SH3BP4: variants seen among roughly 807,000 people sequenced by gnomAD.
SH3BP4 encodes the protein SH3 domain binding protein 4.
SH3BP4 carries 33 observed loss-of-function variants against 65.5 expected under a neutral mutation model. The ratio of observed to expected loss-of-function variants is 0.50; its 90% CI spans 0.38 to 0.67. SH3BP4 has a LOEUF of 0.67. Among genes scored for constraint, SH3BP4 ranks in the 30% least tolerant of loss-of-function variants. The pLI is 0.00. For synonymous variants in SH3BP4, 552 were observed against 545.5 expected, an observed-to-expected ratio of 1.01 and a Z score of -0.17; for missense variants, 1,134 against 1,261.4, an observed-to-expected ratio of 0.90 and a Z score of 1.53.
chr2:235,015,313 G>A (rs9287583), intron 2 of SH3BP4, among the ~76,000 whole-genome samples: 43,975 of 152,134 alleles, frequency 0.29, 9,714 homozygotes, highest in African/African-American at 0.61. Flanking sequence ...GAGGAAAAAT[G>A]TAGGGCCTGG....
At chr2:234,961,175 C>A (rs185774646) in intron 1 of SH3BP4, among the ~76,000 whole-genome samples, 15 of 152,338 alleles carry the variant, frequency 9.8e-5, no homozygotes, top group African/African-American at 3.4e-4. Flanking sequence ...CATCGTACTT[C>A]GCTCCTGGAG....
At chr2:234,959,951 G>A (rs760863811) in intron 1 of SH3BP4, among the ~76,000 whole-genome samples, 4 of 152,086 alleles carry the variant, frequency 2.6e-5, no homozygotes, top group South Asian at 2.1e-4. Flanking sequence ...CTTGCCCGGC[G>A]AGGATTTGAT....
rs1421436229 is a variant in SH3BP4 at position 235,050,791 on chromosome 2, G to A, written c.2479-1771G>A. On this transcript the variant is annotated intron_variant, in intron 4 of 5. Transcript: ENST00000392011. ...CACTAGCAAGACGACCCTGCTATCG[G>A]CACAAAATAGTTGGCCAAAGAGCGC... is the stretch of plus-strand genomic sequence containing the variant. 9.9e-5 allele frequency among the ~76,000 whole-genome samples: 15 copies of A among 152,204 alleles called. 1 individual carries two copies. The highest frequency in any genetic ancestry group is 3.6e-4 in the African/African-American group (15 of 41,532).
intron 1 of SH3BP4, among the ~76,000 whole-genome samples, chr2:234,963,396 G>A (rs1472380215): frequency 6.6e-6 from 1 of 152,218 alleles, no homozygotes; most frequent in Non-Finnish European, 1.5e-5. Flanking sequence ...TCAAAAGGGA[G>A]TGACGTTGGG....
Position 234,970,703 on chromosome 2 carries a change from C to T in SH3BP4, c.-207+18533C>T, listed in dbSNP as rs12328634. Among the ~76,000 whole-genome samples the T allele has an allele frequency of 4.9e-3, 753 of 152,376 alleles. 9 individuals are homozygous for T. Among genetic ancestry groups the T allele is most frequent in the African/African-American group, 0.017 (709 of 41,596 alleles). ...CCGCTAATTCCAGCTAATTGGGGTG[C>T]ACTCTTCAGCTGACTTCTGTTGCGT... On this transcript the variant is annotated intron_variant, in intron 1 of 5. Transcript: ENST00000392011.
intron 1 of SH3BP4, among the ~76,000 whole-genome samples, chr2:234,984,807 G>C (rs945383542): frequency 1.3e-5 from 2 of 151,944 alleles, no homozygotes; most frequent in South Asian, 4.2e-4. Flanking sequence ...CAAGGACTTG[G>C]GTGCTGATGT....
At position 234,997,858 on chromosome 2, in the gene SH3BP4, C is replaced by T. The variant is rs1482574279; in HGVS notation, c.-133+2482C>T. 6.6e-6 allele frequency among the ~76,000 whole-genome samples: 1 copy of T among 152,206 alleles called. No individual in the cohort carries two copies. Among genetic ancestry groups the T allele is most frequent in the Non-Finnish European group, 1.5e-5 (1 of 68,038 alleles). On this transcript the variant is annotated intron_variant, in intron 2 of 5. Coordinates refer to ENST00000392011, the MANE Select transcript of SH3BP4 (RefSeq NM_014521.3). This position sits in a 1 kb window ranked among gnomAD's most constrained non-coding sequence, Gnocchi z 4.2. ...AATCAGAAGACTGGGTGCGGTGGCTCATGCCTGTAATCCCAGCACTTTGGG... is the reference window on the plus strand; with the variant it reads ...AATCAGAAGACTGGGTGCGGTGGCTTATGCCTGTAATCCCAGCACTTTGGG...
At chr2:235,021,560 A>G (rs1189298211) in intron 2 of SH3BP4, among the ~76,000 whole-genome samples, 1 of 151,494 alleles carries the variant, frequency 6.6e-6, no homozygotes, top group Non-Finnish European at 1.5e-5. Flanking sequence ...CAGAGGTTGC[A>G]GTGAGCCAAG....
At chr2:235,038,257 A>ATTAT (rs1189896674) in intron 3 of SH3BP4, among the ~76,000 whole-genome samples, 1 of 43,988 alleles carries the variant, frequency 2.3e-5, no homozygotes, top group African/African-American at 8.9e-5. Context: ...TATTATATAT[A>ATTAT]ATATATATTA....
rs1695620188 is a variant in SH3BP4 at position 235,041,084 on chromosome 2, C to T, written c.315C>T (p.Pro105=). 2 of 1,614,000 alleles carry T rather than the reference C, an allele frequency of 1.2e-6. No homozygotes were observed. The highest frequency in any genetic ancestry group is 1.3e-5 in the African/African-American group (1 of 74,918). ...AHNTTEMGYI[P]SSYVQPLNYR... ...ACACCACCGAAATGGGCTACATCCCCTCCTCCTATGTGCAGCCCTTGAACT... is the reference window on the plus strand; with the variant it reads ...ACACCACCGAAATGGGCTACATCCCTTCCTCCTATGTGCAGCCCTTGAACT... The change falls in exon 4 of 6, where the codon CCC becomes CCT. Residue 105 remains proline (P), a synonymous_variant. Transcript: ENST00000392011. The surrounding 1 kb of genome is among the most constrained non-coding windows in gnomAD (Gnocchi z 6.0).
chr2:235,053,889 G>T lies in SH3BP4; in HGVS notation c.*73G>T, dbSNP rs1423346472. The T allele has an allele frequency of 5.7e-6, 7 of 1,238,308 alleles. No homozygotes were observed. Among genetic ancestry groups the T allele is most frequent in the Non-Finnish European group, 7.1e-6 (6 of 848,438 alleles). The allele number at this position is 1,238,308 out of a possible 1,614,324, so 76.7% of individuals were successfully genotyped here. A position where few individuals can be genotyped will look rare whatever the true frequency, so the allele number is the denominator to read the frequency against. On this transcript the variant is annotated 3_prime_UTR_variant, in exon 6 of 6. Transcript: ENST00000392011. ...CCCTGCGTGCCCTGCTGTCACCGCG[G>T]AGCTGAAGAGGGAGGAAGGGGCGGC...
intron 2 of SH3BP4, among the ~76,000 whole-genome samples, chr2:235,029,372 T>C (rs1695104824): frequency 6.6e-6 from 1 of 152,168 alleles, no homozygotes; most frequent in South Asian, 2.1e-4. Flanking sequence ...CCTTAGGTAC[T>C]GAAGGGAGCG....
chr2:235,044,449 G>T (rs1166757454), intron 4 of SH3BP4, among the ~76,000 whole-genome samples: 2 of 152,232 alleles, frequency 1.3e-5, no homozygotes, highest in Non-Finnish European at 2.9e-5. Flanking sequence ...GGTGTTTGTG[G>T]TGGAGAGTCC....
At chr2:234,982,633 G>T (rs1274027078) in intron 1 of SH3BP4, among the ~76,000 whole-genome samples, 1 of 152,272 alleles carries the variant, frequency 6.6e-6, no homozygotes, top group East Asian at 1.9e-4. Flanking sequence ...CTCAGTGTGG[G>T]GCTTGAGGGA....
At chr2:235,053,548 C>T in intron 5 of SH3BP4, 44 bp from the exon 6 acceptor site, 3 of 1,454,986 alleles carry the variant, frequency 2.1e-6, no homozygotes, top group Non-Finnish European at 2.9e-6. Flanking sequence ...CCTAATCTTT[C>T]TTCCTCTCTC....
intron 2 of SH3BP4, among the ~76,000 whole-genome samples, chr2:235,013,664 T>A (rs996421274): frequency 6.6e-6 from 1 of 152,218 alleles, no homozygotes; most frequent in African/African-American, 2.4e-5. Flanking sequence ...CTGCAGTCGC[T>A]TCCAGGGTCT....
intron 2 of SH3BP4, among the ~76,000 whole-genome samples, chr2:235,006,012 G>A (rs1158784798): frequency 2.0e-5 from 3 of 152,234 alleles, no homozygotes; most frequent in Admixed American, 6.5e-5. Context: ...GTAGGAAGCC[G>A]GCCCAGCCCC....
chr2:234,992,143 G>C (rs534518369), intron 1 of SH3BP4, among the ~76,000 whole-genome samples: 1 of 152,376 alleles, frequency 6.6e-6, no homozygotes, highest in African/African-American at 2.4e-5. Context: ...GGTGTTGTCA[G>C]CGCAGCCTCT....
At chr2:234,987,971 C>T (rs1366783243) in intron 1 of SH3BP4, among the ~76,000 whole-genome samples, 1 of 152,194 alleles carries the variant, frequency 6.6e-6, no homozygotes, top group Non-Finnish European at 1.5e-5. Context: ...CGCCATGACA[C>T]AGGGACACTG....
Sources: gnomAD v4.1 joint callset for allele counts (sites outside exome capture counted in the v4.1 genomes callset) on GRCh38, gnomAD v4.1.1 for gene constraint, Gnocchi (gnomAD v3.1) non-coding constraint, MANE v1.5 for transcripts, NCBI Gene and HGNC (gene_info 2026-07-23, HGNC 2026-07-21) for gene names.